ESYT2: variants seen among roughly 807,000 people sequenced by gnomAD.
ESYT2 encodes extended synaptotagmin-2.
A neutral mutation model predicts 107.2 loss-of-function variants in ESYT2; 54 were observed. The ratio of observed to expected loss-of-function variants is 0.50; its 90% CI spans 0.40 to 0.63. ESYT2 has a LOEUF of 0.63. Ranked by LOEUF, ESYT2 falls within the 30% of genes least tolerant of loss-of-function variation. The probability of loss-of-function intolerance (pLI) is 0.00; values close to 1 mark genes in which losing one functional copy is unlikely to be tolerated. For missense variants in ESYT2, 1,020 were observed against 1,094.5 expected (o/e 0.93, Z 0.96); for synonymous variants, 491 against 434.1 (o/e 1.13, Z -1.63).
At position 158,761,291 on chromosome 7, in the gene ESYT2, C is replaced by T. The variant is rs146362979; in HGVS notation, c.1233+205G>A. ...GCATATGGTAGGGACTCAACACGCACCTGAATGGACTCTTAAATTTATTTT... is the reference window on the plus strand; with the variant it reads ...GCATATGGTAGGGACTCAACACGCATCTGAATGGACTCTTAAATTTATTTT... On this transcript the variant is annotated intron_variant, in intron 11 of 22. Transcript: ENST00000275418. 4.7e-3 allele frequency among the ~76,000 whole-genome samples: 713 copies of T among 152,304 alleles called. 2 individuals carry two copies. The highest frequency in any genetic ancestry group is 0.014 in the Middle Eastern group (4 of 294).
intron 1 of ESYT2, among the ~76,000 whole-genome samples, chr7:158,803,845 C>A (rs13222010): frequency 1.1e-5 from 1 of 92,340 alleles, no homozygotes; most frequent in Non-Finnish European, 2.1e-5. Flanking sequence ...CCCAAACCGT[C>A]GAGAAGGGTG....
At chr7:158,769,899 A>G (rs1838294713) in intron 7 of ESYT2, among the ~76,000 whole-genome samples, 1 of 151,996 alleles carries the variant, frequency 6.6e-6, no homozygotes, top group African/African-American at 2.4e-5. Flanking sequence ...TGTTAAGTTC[A>G]TGGTTATTTA....
chr7:158,806,122 C>CGTGTGGGAGGCGCTGGCGCACAAT (rs1165313204), intron 1 of ESYT2, among the ~76,000 whole-genome samples: 18 of 39,486 alleles, frequency 4.6e-4, no homozygotes, highest in Non-Finnish European at 1.5e-3. Flanking sequence ...CGGGGCACAC[C>CGTGTGGGAGGCGCTGGCGCACAAT]GCGTGGGAGG....
chr7:158,746,150 G>A (rs1053317767), intron 16 of ESYT2, among the ~76,000 whole-genome samples: 1 of 152,026 alleles, frequency 6.6e-6, no homozygotes, highest in East Asian at 1.9e-4. Flanking sequence ...AGAGGCCAAG[G>A]TGGATAGATG....
chr7:158,784,072 G>T (rs1469379488), intron 6 of ESYT2, among the ~76,000 whole-genome samples: 1 of 152,118 alleles, frequency 6.6e-6, no homozygotes, highest in Non-Finnish European at 1.5e-5. Context: ...GGAGGAGGAG[G>T]GTCTCTGGGA....
chr7:158,767,062 T>C (rs969685865), intron 8 of ESYT2, among the ~76,000 whole-genome samples: 1 of 152,200 alleles, frequency 6.6e-6, no homozygotes, highest in Non-Finnish European at 1.5e-5. Context: ...GACAAAACTG[T>C]GGCCCAGCCA....
At chr7:158,809,499 C>CAAAA (rs1839934303) in intron 1 of ESYT2, among the ~76,000 whole-genome samples, 1 of 108,592 alleles carries the variant, frequency 9.2e-6, no homozygotes, top group Non-Finnish European at 2.0e-5. Flanking sequence ...AAAAAAAAAC[C>CAAAA]AGGGGGGATG....
chr7:158,779,741 C>T (rs538675114), intron 6 of ESYT2, among the ~76,000 whole-genome samples: 1 of 152,320 alleles, frequency 6.6e-6, no homozygotes, highest in South Asian at 2.1e-4. Context: ...ACTGACTTCT[C>T]ACTTGCTTCT....
chr7:158,749,545 A>T, intron 15 of ESYT2, 104 bp downstream of exon 15: 1 of 1,046,934 alleles, frequency 9.6e-7, no homozygotes, highest in Non-Finnish European at 1.4e-6. Context: ...CCACGCTATC[A>T]CACAACTGAA....
In ESYT2 at chr7:158,790,941, GAATT is replaced by G. The variant is rs997610831; in HGVS notation, c.585-2528_585-2525del. ...AGACTCTGTCTCAAAATAAATAAATGAATTAATTAACACCCCAAAAATCTACCCT... is the reference window on the plus strand; with the variant it reads ...AGACTCTGTCTCAAAATAAATAAATGAATTAACACCCCAAAAATCTACCCT... On this transcript the variant is annotated intron_variant, in intron 4 of 22. Transcript: ENST00000275418. Among the ~76,000 whole-genome samples, 402 of 152,060 alleles carry G rather than the reference GAATT, an allele frequency of 2.6e-3. 5 individuals are homozygous for G. The highest frequency in any genetic ancestry group is 9.2e-3 in the African/African-American group (380 of 41,504).
intron 13 of ESYT2, 65 bp from the exon 14 acceptor site, chr7:158,752,908 G>A: frequency 1.9e-6 from 2 of 1,067,616 alleles, no homozygotes; most frequent in Admixed American, 2.8e-5. Flanking sequence ...GTTTATGTAA[G>A]GTTAAAGACA....
intron 1 of ESYT2, among the ~76,000 whole-genome samples, chr7:158,826,002 C>T (rs1173956412): frequency 2.0e-5 from 3 of 147,082 alleles, no homozygotes; most frequent in African/African-American, 5.1e-5. Context: ...CTGGACAACG[C>T]GGTAAGAACT....
intron 13 of ESYT2, 86 bp from the exon 14 acceptor site, chr7:158,752,929 T>C (rs1374412067): frequency 1.8e-5 from 16 of 912,312 alleles, no homozygotes; most frequent in Non-Finnish European, 2.4e-5. Context: ...TGAAAATTTA[T>C]GGGAATAAAC....
chr7:158,782,002 C>A (rs1023184294), intron 6 of ESYT2, among the ~76,000 whole-genome samples: 1 of 142,742 alleles, frequency 7.0e-6, no homozygotes, highest in East Asian at 2.1e-4. Context: ...ATTACGAGAA[C>A]AAGTGTGTGA....
At chr7:158,796,140 A>C (rs190962207) in intron 3 of ESYT2, among the ~76,000 whole-genome samples, 1 of 152,164 alleles carries the variant, frequency 6.6e-6, no homozygotes. Context: ...CTGTTTGCTG[A>C]CTCTGCTGTG....
intron 4 of ESYT2, among the ~76,000 whole-genome samples, chr7:158,789,856 G>A (rs1480727669): frequency 2.0e-5 from 3 of 152,084 alleles, no homozygotes; most frequent in African/African-American, 7.2e-5. Flanking sequence ...GTTCAGAGAC[G>A]TAAATGTGAG....
In ESYT2 at chr7:158,788,069, G is replaced by C. The variant is rs766882280; in HGVS notation, c.682C>G (p.Leu228Val). The C allele has an allele frequency of 5.0e-6, 8 of 1,614,084 alleles. 1 individual carries two copies. The South Asian group carries it at 8.8e-5, about 18-fold the overall frequency. Residue 228 changes from leucine (L) to valine (V), a missense_variant, in exon 6 of 23, where the codon CTG becomes GTG. Transcript: ENST00000275418. ...IQIHGTMRVI[L>V]EPLIGDMPLV... is the part of the protein sequence containing the mutation. ...GGCATATCTCCAATCAACGGTTCCA[G>C]GATCACCCGCATGGTACCATGAATC...
intron 16 of ESYT2, among the ~76,000 whole-genome samples, chr7:158,746,336 T>G (rs1442132424): frequency 6.6e-6 from 1 of 151,228 alleles, no homozygotes; most frequent in African/African-American, 2.4e-5. Context: ...GAGGCACACA[T>G]ACACACATAC....
chr7:158,823,396 G>A (rs1241028166), intron 1 of ESYT2, among the ~76,000 whole-genome samples: 1 of 146,908 alleles, frequency 6.8e-6, no homozygotes, highest in Non-Finnish European at 1.5e-5. Context: ...GTGCGATCTC[G>A]GCTCACTGCA....
Sources: gnomAD v4.1 joint callset for allele counts (sites outside exome capture counted in the v4.1 genomes callset) on GRCh38, gnomAD v4.1.1 for gene constraint, MANE v1.5 for transcripts, NCBI Gene and HGNC (gene_info 2026-07-23, HGNC 2026-07-21) for gene names.